The following COL16A1 variants were observed in gnomAD, a reference collection of about 807,000 sequenced individuals.
The protein encoded by COL16A1 is collagen type XVI alpha 1 chain.
A neutral mutation model predicts 266.3 loss-of-function variants in COL16A1; 189 were observed. That is an observed-to-expected ratio of 0.71 (90% CI 0.63 to 0.80). The LOEUF is 0.80. Ranked by LOEUF, COL16A1 falls within the 30% of genes least tolerant of loss-of-function variation. The pLI is 0.00. For missense variants in COL16A1, 1,928 were observed against 2,122.4 expected (o/e 0.91, Z 1.80); for synonymous variants, 740 against 782.3 (o/e 0.95, Z 0.90).
At chr1:31,702,940 C>A (rs370330871) in intron 1 of COL16A1, among the ~76,000 whole-genome samples, 1 of 152,090 alleles carries the variant, frequency 6.6e-6, no homozygotes, top group South Asian at 2.1e-4. Flanking sequence ...CCAGATAAAT[C>A]GATGCAGGCT....
At chr1:31,686,041 A>C (rs1053719022) in intron 28 of COL16A1, 50 bp downstream of exon 28, 5 of 1,609,170 alleles carry the variant, frequency 3.1e-6, no homozygotes, top group South Asian at 1.1e-5. Flanking sequence ...ACGAGTGTCT[A>C]TCTAGGAAGC....
intron 22 of COL16A1, 119 bp downstream of exon 22, chr1:31,690,248 T>C: frequency 6.8e-7 from 1 of 1,475,900 alleles, no homozygotes; most frequent in East Asian, 2.5e-5. Flanking sequence ...GAAGAACGGG[T>C]GGGGGTCCCC....
Position 31,672,579 on chromosome 1 carries a change from T to C in COL16A1, c.3018+17A>G. 1.2e-6 allele frequency: 2 copies of C among 1,609,664 alleles called. No homozygotes were observed. The highest frequency in any genetic ancestry group is 2.2e-5 in the East Asian group (1 of 44,772). On this transcript the variant is annotated intron_variant, in intron 46 of 70. Coordinates refer to ENST00000373672, the MANE Select transcript of COL16A1 (RefSeq NM_001856.4). ...GGGCATGGGGCATGATCGGGGGAGATAAGGCGAGGCACTCACCCGGGCCTC... is the reference window on the plus strand; with the variant it reads ...GGGCATGGGGCATGATCGGGGGAGACAAGGCGAGGCACTCACCCGGGCCTC...
At chr1:31,669,084 G>T (rs1478825576) in intron 49 of COL16A1, among the ~76,000 whole-genome samples, 1 of 152,078 alleles carries the variant, frequency 6.6e-6, no homozygotes, top group African/African-American at 2.4e-5. Flanking sequence ...TACCCTTCAA[G>T]ATAGATAACT....
At chr1:31,654,409 G>A (rs533301636) in intron 68 of COL16A1, among the ~76,000 whole-genome samples, 1 of 152,246 alleles carries the variant, frequency 6.6e-6, no homozygotes, top group East Asian at 1.9e-4. Context: ...CCCAGTCCCT[G>A]GCACATCAAT....
At position 31,685,421 on chromosome 1, in the gene COL16A1, G is replaced by A. The variant is rs1363056312; in HGVS notation, c.2016+218C>T. 1.3e-5 allele frequency among the ~76,000 whole-genome samples: 2 copies of A among 152,138 alleles called. No homozygotes were observed. Among genetic ancestry groups the A allele is most frequent in the African/African-American group, 4.8e-5 (2 of 41,404 alleles). On this transcript the variant is annotated intron_variant, in intron 29 of 70. Coordinates refer to ENST00000373672, the MANE Select transcript of COL16A1 (RefSeq NM_001856.4). This position sits in a 1 kb window ranked among gnomAD's most constrained non-coding sequence, Gnocchi z 4.0. Reference sequence around the variant, plus strand: ...ACCCAGGTCTCTCTGCTCCTAGGATGGCGTGCTTTCTGCCCACTCTGCCAT... The same window carrying A: ...ACCCAGGTCTCTCTGCTCCTAGGATAGCGTGCTTTCTGCCCACTCTGCCAT...
At position 31,668,584 on chromosome 1, in the gene COL16A1, C is replaced by A. The variant is rs1245121741; in HGVS notation, c.3249+218G>T. 6.6e-6 allele frequency among the ~76,000 whole-genome samples: 1 copy of A among 152,124 alleles called. No individual in the cohort carries two copies. Among genetic ancestry groups the A allele is most frequent in the Non-Finnish European group, 1.5e-5 (1 of 67,994 alleles). The stretch of plus-strand genomic sequence containing the variant: ...TGCTGGAGGACAGGGGCTGTGCATG[C>A]TTCTGGCAGGGAGTCAGGGCACATG... On this transcript the variant is annotated intron_variant, in intron 50 of 70. Transcript: ENST00000373672. This position sits in a 1 kb window ranked among gnomAD's most constrained non-coding sequence, Gnocchi z 5.8.
At chr1:31,662,549 T>C (rs1028492557) in intron 57 of COL16A1, 38 bp downstream of exon 57, 1 of 1,554,534 alleles carries the variant, frequency 6.4e-7, no homozygotes, top group Non-Finnish European at 8.7e-7. Flanking sequence ...TGCGCATGCA[T>C]CGCACACGTC....
In COL16A1 at chr1:31,663,006, C is replaced by A; in HGVS notation, c.3556-348G>T. The A allele has an allele frequency of 2.7e-6, 1 of 371,530 alleles. No homozygotes were observed. Among genetic ancestry groups the A allele is most frequent in the Non-Finnish European group, 5.0e-6 (1 of 199,992 alleles). The allele number at this position is 371,530 out of a possible 1,614,324, so 23.0% of individuals were successfully genotyped here. ...CACTGTGAAAGCTGCCTGTTGTATT[C>A]TACTCCATCAGACCCCCTGCCTCCT... On this transcript the variant is annotated intron_variant, in intron 56 of 70. Coordinates refer to ENST00000373672, the MANE Select transcript of COL16A1 (RefSeq NM_001856.4). This position sits in a 1 kb window ranked among gnomAD's most constrained non-coding sequence, Gnocchi z 4.9.
chr1:31,666,227 C>T (rs1642133099), intron 52 of COL16A1, 146 bp from the exon 53 acceptor site: 6 of 839,092 alleles, frequency 7.2e-6, no homozygotes, highest in Non-Finnish European at 9.1e-6. Context: ...CTGATCTGCT[C>T]AGGCTTCCCT....
At chr1:31,700,004 T>G in intron 3 of COL16A1, 37 bp downstream of exon 3, 1 of 1,610,866 alleles carries the variant, frequency 6.2e-7, no homozygotes, top group Non-Finnish European at 8.5e-7. Flanking sequence ...CAGAGGAAGG[T>G]TGCAGGGACG....
At chr1:31,686,874 G>T (rs572760654) in intron 26 of COL16A1, among the ~76,000 whole-genome samples, 1 of 152,340 alleles carries the variant, frequency 6.6e-6, no homozygotes, top group African/African-American at 2.4e-5. Context: ...TCTGACGGGT[G>T]GGAGTAGTCC....
rs1210133532 is a variant in COL16A1, at chr1:31,656,143, T to C, written c.4101+257A>G. 1.0e-5 allele frequency: 6 copies of C among 582,870 alleles called. No individual in the cohort carries two copies. The highest frequency in any genetic ancestry group is 6.3e-5 in the South Asian group (3 of 47,250). The allele number at this position is 582,870 out of a possible 1,614,324, so 36.1% of individuals were successfully genotyped here. ...TGGAATGTGAGCAGGAGCAAGGGAG[T>C]GCTCGGGAAATGGAAACAATGAATG... On this transcript the variant is annotated intron_variant, in intron 66 of 70. Coordinates refer to ENST00000373672, the MANE Select transcript of COL16A1 (RefSeq NM_001856.4). The surrounding 1 kb of genome is among the most constrained non-coding windows in gnomAD (Gnocchi z 4.2).
Position 31,656,823 on chromosome 1 carries a change from TAAAAA to T in COL16A1, c.4056+205_4056+209del. 9.2e-5 allele frequency: 44 copies of T among 479,930 alleles called. No individual in the cohort carries two copies. Among genetic ancestry groups the T allele is most frequent in the Middle Eastern group, 5.3e-4 (1 of 1,874 alleles). 29.7% of individuals were successfully genotyped at this position (479,930 alleles called of 1,614,324 possible). The stretch of plus-strand genomic sequence containing the variant: ...TTTCTTTTTGACCAGGTACAGGGTT[TAAAAA>T]AAAAAAAAAAAAGGTAAAACAAATC... On this transcript the variant is annotated intron_variant, in intron 65 of 70. Coordinates refer to ENST00000373672, the MANE Select transcript of COL16A1 (RefSeq NM_001856.4). This position sits in a 1 kb window ranked among gnomAD's most constrained non-coding sequence, Gnocchi z 4.2.
chr1:31,671,081 C>T (rs1031911286), intron 48 of COL16A1, among the ~76,000 whole-genome samples: 1 of 152,226 alleles, frequency 6.6e-6, no homozygotes, highest in African/African-American at 2.4e-5. Context: ...TTCCTAGTCA[C>T]TTCTATTTTC....
At chr1:31,681,158 A>G (rs1643612843) in intron 37 of COL16A1, 91 bp from the exon 38 acceptor site, 1 of 1,496,172 alleles carries the variant, frequency 6.7e-7, no homozygotes, top group African/African-American at 1.4e-5. Flanking sequence ...GACAAACAGA[A>G]GCAGCGCCAG....
At position 31,668,896 on chromosome 1, in the gene COL16A1, T is replaced by TGCCCCCCCC; in HGVS notation, c.3196-42_3196-41insGGGGGGGGC. On this transcript the variant is annotated intron_variant, in intron 49 of 70. Transcript: ENST00000373672. This position sits in a 1 kb window ranked among gnomAD's most constrained non-coding sequence, Gnocchi z 5.8. ...CATGAGAAACTGCAGGAGCCGGCGG[T>TGCCCCCCCC]CCCCACCCAGCCCCTGACTCCTTCC... is the stretch of plus-strand genomic sequence containing the variant. The TGCCCCCCCC allele has an allele frequency of 1.3e-6, 2 of 1,569,752 alleles. No individual in the cohort carries two copies. The highest frequency in any genetic ancestry group is 8.7e-7 in the Non-Finnish European group (1 of 1,150,118).
intron 66 of COL16A1, chr1:31,655,751 CCGGG>C: frequency 1.7e-6 from 1 of 593,306 alleles, no homozygotes; most frequent in South Asian, 2.5e-5. Context: ...CATTCGTTGG[CCGGG>C]CATGCAAGGC....
In COL16A1 at chr1:31,684,570, A is replaced by C. The variant is rs767090119; in HGVS notation, c.2113T>G (p.Ser705Ala). The change falls in exon 31 of 71, where the codon TCA becomes GCA. Residue 705 changes from serine (S) to alanine (A), a missense_variant. Ser to Ala is a moderately conservative substitution (Grantham distance 99). This residue lies in a region of COL16A1 where 1,552 missense variants were observed against 1,637.2 expected (regional missense o/e 0.95). Coordinates refer to ENST00000373672, the MANE Select transcript of COL16A1 (RefSeq NM_001856.4). The stretch of plus-strand genomic sequence containing the variant: ...GGGCCCTGAACTCCAGGCTCTCCTG[A>C]CAGTCCTGGCCGCCCTGTGGTGCCC... ...TPGTTGRPGL[S>A]GEPGVQGPAG... 5 of 1,613,584 alleles carry C rather than the reference A, an allele frequency of 3.1e-6. No individual in the cohort carries two copies. In the Admixed American group the frequency reaches 6.7e-5, roughly 22 times the overall value.
Sources: allele counts gnomAD v4.1 joint callset (sites outside exome capture counted in the v4.1 genomes callset), GRCh38; gene constraint gnomAD v4.1.1; regional missense constraint gnomAD v4.1.1; non-coding constraint Gnocchi (gnomAD v3.1); transcripts MANE v1.5; gene names NCBI Gene and HGNC (gene_info 2026-07-23, HGNC 2026-07-21).